Variants in SLC38A12 observed in about 807,000 individuals in gnomAD.
SLC38A12 encodes the protein solute carrier family 38 member 12, also known as putative sodium-coupled neutral amino acid transporter 12.
the SLC38A12 span, chr17:74,785,375 C>A: frequency 1.2e-5 from 18 of 1,484,736 alleles, no homozygotes; most frequent in Non-Finnish European, 1.6e-5. Flanking sequence ...TACAGTGTGG[C>A]CTTCTGGCCT....
the SLC38A12 span, among the ~76,000 whole-genome samples, chr17:74,834,994 C>G: frequency 3.3e-5 from 5 of 152,364 alleles, no homozygotes; most frequent in African/African-American, 1.2e-4. Flanking sequence ...GCGCAGGCTG[C>G]CTCTGGGGAA....
the SLC38A12 span, among the ~76,000 whole-genome samples, chr17:74,824,870 G>A: frequency 6.6e-6 from 1 of 152,196 alleles, no homozygotes; most frequent in Non-Finnish European, 1.5e-5. Flanking sequence ...AAGCCGACAG[G>A]GAGAGGTGGG....
At chr17:74,781,624 A>G in the SLC38A12 span, among the ~76,000 whole-genome samples, 3 of 152,212 alleles carry the variant, frequency 2.0e-5, no homozygotes, top group African/African-American at 7.2e-5. Context: ...CTTTACTTCC[A>G]TTATGGGAAC....
chr17:74,806,574 T>A, the SLC38A12 span, among the ~76,000 whole-genome samples: 1 of 152,156 alleles, frequency 6.6e-6, no homozygotes, highest in Non-Finnish European at 1.5e-5. Context: ...GTTTTCATGC[T>A]CTTCAGAGCT....
chr17:74,810,294 C>G, the SLC38A12 span, among the ~76,000 whole-genome samples: 8 of 152,202 alleles, frequency 5.3e-5, no homozygotes, highest in African/African-American at 1.9e-4. Flanking sequence ...AGGCATCAAC[C>G]GTCAGTTCTG....
chr17:74,797,252 C>A, the SLC38A12 span, among the ~76,000 whole-genome samples: 2 of 152,222 alleles, frequency 1.3e-5, no homozygotes, highest in African/African-American at 4.8e-5. Flanking sequence ...ATGATGGAAG[C>A]CTCCCTCCCT....
chr17:74,806,692 G>A, the SLC38A12 span, among the ~76,000 whole-genome samples: 17 of 152,022 alleles, frequency 1.1e-4, no homozygotes, highest in Non-Finnish European at 2.2e-4. Context: ...GGCATTCCTC[G>A]CTCTGTCTCC....
the SLC38A12 span, chr17:74,838,035 C>T: frequency 1.0e-6 from 1 of 985,874 alleles, no homozygotes; most frequent in Non-Finnish European, 1.2e-6. Flanking sequence ...TCTGACAGAG[C>T]GACGATGTAG....
the SLC38A12 span, chr17:74,839,152 G>A: frequency 6.6e-7 from 1 of 1,514,560 alleles, no homozygotes; most frequent in Non-Finnish European, 8.8e-7. Flanking sequence ...CCTGAGGCTA[G>A]AGCAGCAGCT....
chr17:74,785,837 A>G, the SLC38A12 span, among the ~76,000 whole-genome samples: 1 of 152,246 alleles, frequency 6.6e-6, no homozygotes, highest in Non-Finnish European at 1.5e-5. Context: ...AAACCTGGAC[A>G]TCCACTAGGC....
the SLC38A12 span, chr17:74,795,201 C>T: frequency 6.4e-6 from 7 of 1,086,806 alleles, no homozygotes; most frequent in South Asian, 8.8e-5. Flanking sequence ...AAGCACCATG[C>T]CAAGTGAGTT....
chr17:74,836,360 C>T, the SLC38A12 span: 50 of 1,612,584 alleles, frequency 3.1e-5, 1 homozygote, highest in South Asian at 2.9e-4. This position sits in a 1 kb window ranked among gnomAD's most constrained non-coding sequence, Gnocchi z 4.2. Context: ...ACCGCGAGGG[C>T]GGCACGTACC....
the SLC38A12 span, among the ~76,000 whole-genome samples, chr17:74,803,962 G>T: frequency 2.6e-5 from 4 of 152,106 alleles, no homozygotes; most frequent in Non-Finnish European, 5.9e-5. Flanking sequence ...ATAGTCTGTG[G>T]AATCTAGCAA....
chr17:74,813,926 A>G, the SLC38A12 span, among the ~76,000 whole-genome samples: 1 of 152,324 alleles, frequency 6.6e-6, no homozygotes, highest in East Asian at 1.9e-4. Flanking sequence ...TGGAAGCTGC[A>G]GTCCGCTCCG....
At chr17:74,783,405 G>T in the SLC38A12 span, among the ~76,000 whole-genome samples, 1 of 152,206 alleles carries the variant, frequency 6.6e-6, no homozygotes, top group South Asian at 2.1e-4. Flanking sequence ...ATTCAAAGGC[G>T]GGAGGCAGGA....
chr17:74,791,128 C>A, the SLC38A12 span: 5 of 1,134,032 alleles, frequency 4.4e-6, no homozygotes, highest in Non-Finnish European at 6.5e-6. Context: ...TCCACCCTGA[C>A]AGCCAGACCA....
chr17:74,804,086 T>G, the SLC38A12 span, among the ~76,000 whole-genome samples: 24 of 152,378 alleles, frequency 1.6e-4, no homozygotes, highest in African/African-American at 5.8e-4. Flanking sequence ...GCTGCTCCTT[T>G]TATCCTGTAG....
chr17:74,827,812 A>T, the SLC38A12 span, among the ~76,000 whole-genome samples: 1 of 152,122 alleles, frequency 6.6e-6, no homozygotes, highest in African/African-American at 2.4e-5. This position sits in a 1 kb window ranked among gnomAD's most constrained non-coding sequence, Gnocchi z 4.7. Flanking sequence ...CCCATTATTT[A>T]AGGAACAAAT....
the SLC38A12 span, among the ~76,000 whole-genome samples, chr17:74,833,356 A>G: frequency 6.6e-6 from 1 of 152,214 alleles, no homozygotes; most frequent in Non-Finnish European, 1.5e-5. Context: ...AAGTTGTTCT[A>G]CATCATTGTT....
Sources: gnomAD v4.1 joint callset for allele counts (sites outside exome capture counted in the v4.1 genomes callset) on GRCh38, gnomAD v4.1.1 for gene constraint, Gnocchi (gnomAD v3.1) non-coding constraint, MANE v1.5 for transcripts, NCBI Gene and HGNC (gene_info 2026-07-23, HGNC 2026-07-21) for gene names.